Variants in NF1 observed in about 807,000 individuals in gnomAD.
NF1 encodes neurofibromin.
NF1 carries 122 observed loss-of-function variants against 325.7 expected under a neutral mutation model. The observed-to-expected ratio is 0.37, with a 90% confidence interval of 0.32 to 0.44. The LOEUF (loss-of-function observed/expected upper bound fraction) is 0.44. NF1 is among the 20% of genes least tolerant of loss of function. The pLI, the probability that NF1 is intolerant of heterozygous loss-of-function variation, is 1.00. For missense variants in NF1, 2,140 were observed against 3,415.4 expected (o/e 0.63, Z 9.31); for synonymous variants, 1,091 against 1,186.0 (o/e 0.92, Z 1.65).
At chr17:31,209,831 AG>A (rs2066694149) in intron 12 of NF1, among the ~76,000 whole-genome samples, 1 of 152,006 alleles carries the variant, frequency 6.6e-6, no homozygotes, top group Admixed American at 6.6e-5. Context: ...TTGTGTTTTT[AG>A]TAGACCATTT....
At chr17:31,225,307 A>G in intron 17 of NF1, 57 bp downstream of exon 17, 1 of 1,591,612 alleles carries the variant, frequency 6.3e-7, no homozygotes, top group Non-Finnish European at 8.6e-7. Context: ...TGTTTTCTGA[A>G]TGAAATTTGG....
At chr17:31,163,766 A>G (rs536416618) in intron 4 of NF1, among the ~76,000 whole-genome samples, 1 of 152,336 alleles carries the variant, frequency 6.6e-6, no homozygotes, top group Admixed American at 6.5e-5. Context: ...GGCTTTTTAA[A>G]CATATTATCC....
At chr17:31,124,823 G>C (rs1233406830) in intron 1 of NF1, among the ~76,000 whole-genome samples, 1 of 150,702 alleles carries the variant, frequency 6.6e-6, no homozygotes. Context: ...GGATGGTCTC[G>C]ATCTCCTGGC....
intron 1 of NF1, among the ~76,000 whole-genome samples, chr17:31,149,921 C>G (rs1916814659): frequency 6.6e-6 from 1 of 152,034 alleles, no homozygotes; most frequent in Non-Finnish European, 1.5e-5. Context: ...GCAAAGTGAC[C>G]ACTGGTCCAA....
chr17:31,185,030 T>A (rs2066213702), intron 8 of NF1, among the ~76,000 whole-genome samples: 1 of 152,096 alleles, frequency 6.6e-6, no homozygotes, highest in African/African-American at 2.4e-5. Context: ...AGCTTCCCCA[T>A]CCCCAGTAGT....
At chr17:31,255,974 T>C (rs891653500) in intron 31 of NF1, among the ~76,000 whole-genome samples, 10 of 152,306 alleles carry the variant, frequency 6.6e-5, no homozygotes, top group African/African-American at 2.4e-4. Context: ...GGTTTTAGTT[T>C]TGTAAAAACT....
At chr17:31,327,173 G>T (rs2069366321) in intron 37 of NF1, among the ~76,000 whole-genome samples, 2 of 152,104 alleles carry the variant, frequency 1.3e-5, no homozygotes, top group Non-Finnish European at 2.9e-5. Flanking sequence ...TGTTGGCCAG[G>T]CTGATCACGA....
intron 48 of NF1, among the ~76,000 whole-genome samples, chr17:31,348,124 A>T (rs2070043095): frequency 1.2e-5 from 1 of 84,178 alleles, no homozygotes; most frequent in South Asian, 3.8e-4. Flanking sequence ...TATAGAGAAA[A>T]ATAAGTCTGA....
intron 8 of NF1, among the ~76,000 whole-genome samples, chr17:31,186,275 A>G (rs762389509): frequency 6.6e-6 from 1 of 152,150 alleles, no homozygotes; most frequent in Non-Finnish European, 1.5e-5. Context: ...CCCTATGATC[A>G]GTTGGCAGAG....
At chr17:31,330,798 T>G (rs1409899446) in intron 39 of NF1, 2 of 291,206 alleles carry the variant, frequency 6.9e-6, no homozygotes, top group Admixed American at 9.4e-5. Context: ...TTAATTAGCT[T>G]CAGCATTTCT....
chr17:31,163,625 C>T (rs550899305), intron 4 of NF1, among the ~76,000 whole-genome samples: 8 of 152,076 alleles, frequency 5.3e-5, no homozygotes, highest in East Asian at 1.9e-4. Flanking sequence ...ATTTTAATTG[C>T]GTAATATTGT....
intron 3 of NF1, among the ~76,000 whole-genome samples, 169 bp downstream of exon 3, chr17:31,159,262 A>T (rs1480901907): frequency 1.3e-5 from 2 of 152,172 alleles, no homozygotes; most frequent in Non-Finnish European, 2.9e-5. Context: ...ACAATTTTTC[A>T]TGAGAAAATT....
intron 13 of NF1, among the ~76,000 whole-genome samples, chr17:31,216,991 A>G (rs1237144064): frequency 6.6e-6 from 1 of 152,188 alleles, no homozygotes; most frequent in East Asian, 1.9e-4. Context: ...TCATAGCAGC[A>G]TGTACCTTAA....
chr17:31,111,771 T>G (rs998445604), intron 1 of NF1, among the ~76,000 whole-genome samples: 6 of 152,120 alleles, frequency 3.9e-5, no homozygotes, highest in Non-Finnish European at 8.8e-5. Context: ...TTAGGCAGAA[T>G]GAAAATATCT....
chr17:31,327,780 C>G lies in NF1; in HGVS notation c.5550C>G (p.Val1850=), dbSNP rs876658124. Residue 1850 remains valine, a synonymous_variant, in exon 38 of 58, where the codon GTC becomes GTG. Coordinates refer to ENST00000358273, the MANE Select transcript of NF1 (RefSeq NM_001042492.3). Reference sequence around the variant, plus strand: ...ACACCAAGATTCGGCCAAAAGATGTCCCTGGGACACTGCTCAATATCGCAT... The same window carrying G: ...ACACCAAGATTCGGCCAAAAGATGTGCCTGGGACACTGCTCAATATCGCAT... ...PQHTKIRPKD[V]PGTLLNIALL... 6.2e-7 allele frequency: 1 copy of G among 1,614,132 alleles called. No homozygotes were observed. The highest frequency in any genetic ancestry group is 8.5e-7 in the Non-Finnish European group (1 of 1,180,016).
In NF1 at chr17:31,232,035, G is replaced by T. The variant is rs1295737186; in HGVS notation, c.3198-38G>T. ...AGTGAAAGAACTTGAAAGATTCATG[G>T]TCTCTAAATTTTTTTTTTTTTTTTT... On this transcript the variant is annotated intron_variant, in intron 24 of 57. Coordinates refer to ENST00000358273, the MANE Select transcript of NF1 (RefSeq NM_001042492.3). 6.1e-6 allele frequency: 7 copies of T among 1,148,444 alleles called. No individual in the cohort carries two copies. In the Admixed American group the frequency reaches 1.5e-4, roughly 24 times the overall value. The allele number at this position is 1,148,444 out of a possible 1,614,324, so 71.1% of individuals were successfully genotyped here. A position where few individuals can be genotyped will look rare whatever the true frequency, so the allele number is the denominator to read the frequency against.
chr17:31,230,112 CAGA>C, intron 22 of NF1, 138 bp downstream of exon 22: 2 of 1,413,646 alleles, frequency 1.4e-6, no homozygotes, highest in South Asian at 2.4e-5. Context: ...GTAAGGTAGC[CAGA>C]AGTTGTGTAC....
intron 36 of NF1, among the ~76,000 whole-genome samples, chr17:31,270,130 C>G (rs2067864392): frequency 6.6e-6 from 1 of 152,176 alleles, no homozygotes; most frequent in South Asian, 2.1e-4. Context: ...TGTGTGTGCA[C>G]CTGCACATGT....
At chr17:31,248,388 T>C (rs1555617179) in intron 29 of NF1, among the ~76,000 whole-genome samples, 1 of 152,194 alleles carries the variant, frequency 6.6e-6, no homozygotes, top group Non-Finnish European at 1.5e-5. Flanking sequence ...TCAGAGATCA[T>C]GTTTCTAACA....
Sources: allele counts gnomAD v4.1 joint callset (sites outside exome capture counted in the v4.1 genomes callset), GRCh38; gene constraint gnomAD v4.1.1; transcripts MANE v1.5; gene names NCBI Gene and HGNC (gene_info 2026-07-23, HGNC 2026-07-21).